Variants in USP26 observed in about 807,000 individuals in gnomAD.
USP26 encodes the protein ubiquitin specific peptidase 26, also known as ubiquitin carboxyl-terminal hydrolase 26.
For synonymous variants in USP26, 236 were observed against 240.6 expected (o/e 0.98, Z 0.18); for missense variants, 649 against 642.3 (o/e 1.01, Z -0.11).
rs910796866 is a variant in USP26 at position 133,051,192 on chromosome X, T to C, written c.-76-22896A>G. Among the ~76,000 whole-genome samples the C allele has an allele frequency of 8.1e-5, 9 of 111,761 alleles. No individual in the cohort carries two copies. In the East Asian group the frequency reaches 2.0e-3, roughly 25 times the overall value. On this transcript the variant is annotated intron_variant, in intron 5 of 5. Coordinates refer to ENST00000511190, the MANE Select transcript of USP26 (RefSeq NM_031907.3). The stretch of plus-strand genomic sequence containing the variant: ...CAACAGCAGAAGTCTACTGAGTTTG[T>C]TGGCCTGATAAAGACAGACACGTTT...
chrX:133,074,866 A>G (rs1288186127), intron 5 of USP26, among the ~76,000 whole-genome samples: 1 of 112,280 alleles, frequency 8.9e-6, no homozygotes, highest in Admixed American at 9.5e-5. Flanking sequence ...CTTCAGGGAT[A>G]TTACCAGGAC....
chrX:133,032,765 G>A (rs1278931275), intron 5 of USP26, among the ~76,000 whole-genome samples: 1 of 111,496 alleles, frequency 9.0e-6, no homozygotes, highest in Non-Finnish European at 1.9e-5. Context: ...CAGAAAGGGT[G>A]GAATGGAACA....
intron 5 of USP26, among the ~76,000 whole-genome samples, chrX:133,063,929 A>T (rs1290712283): frequency 8.9e-6 from 1 of 112,265 alleles, no homozygotes; most frequent in African/African-American, 3.2e-5. Context: ...AAAGACACAG[A>T]CTGGCAAACT....
In USP26 at chrX:133,026,749, T is replaced by C; in HGVS notation, c.1472A>G (p.Glu491Gly). The change falls in exon 6 of 6, where the codon GAG becomes GGG. Residue 491 changes from glutamate to glycine, a missense_variant. Glu to Gly is a moderately conservative substitution (Grantham distance 98). Coordinates refer to ENST00000511190, the MANE Select transcript of USP26 (RefSeq NM_031907.3). ...STFDLFFGAE[E>G]LEYKCAKCEH... is the part of the protein sequence containing the mutation. ...ACATTTTGCACATTTATACTCAAGC[T>C]CTTCTGCTCCAAAAAAAAGATCAAA... 1 of 1,210,667 alleles carries C rather than the reference T, an allele frequency of 8.3e-7. No homozygotes were observed.
chrX:133,048,965 G>C (rs2067449915), intron 5 of USP26, among the ~76,000 whole-genome samples: 1 of 111,892 alleles, frequency 8.9e-6, no homozygotes, highest in Admixed American at 9.5e-5. Context: ...TCACCATATA[G>C]GTAAAGAGAC....
At chrX:133,096,945 C>T (rs1051267991) in intron 1 of USP26, 85 bp downstream of exon 1, 2 of 112,545 alleles carry the variant, frequency 1.8e-5, no homozygotes, top group African/African-American at 6.4e-5. Flanking sequence ...TATACTACTA[C>T]ATTTCATATA....
At chrX:133,040,184 C>A (rs774536030) in intron 5 of USP26, among the ~76,000 whole-genome samples, 2 of 111,871 alleles carry the variant, frequency 1.8e-5, no homozygotes, top group Non-Finnish European at 3.8e-5. Flanking sequence ...GCATTTAGCC[C>A]ATTTACGTTT....
chrX:133,072,379 C>A (rs1156715144), intron 5 of USP26, among the ~76,000 whole-genome samples: 2 of 112,253 alleles, frequency 1.8e-5, no homozygotes, highest in East Asian at 5.7e-4. Context: ...AACAGGCACG[C>A]TATCACGTAT....
In USP26 at chrX:133,027,824, G is replaced by A. The variant is rs1219493735; in HGVS notation, c.397C>T (p.His133Tyr). Residue 133 changes from histidine (H) to tyrosine (Y), a missense_variant, in exon 6 of 6, where the codon CAC becomes TAC. Coordinates refer to ENST00000511190, the MANE Select transcript of USP26 (RefSeq NM_031907.3). ...CTACTTGATTTCTCATCAACTTTGT[G>A]GAATGAAGTTTTGTTGATTTCCTTC... is the stretch of plus-strand genomic sequence containing the variant. ...TQKEINKTSFHKVDEKSSSKS... is the reference protein window; with the variant it reads ...TQKEINKTSFYKVDEKSSSKS... The A allele has an allele frequency of 8.3e-7, 1 of 1,207,647 alleles. No individual in the cohort carries two copies. Among genetic ancestry groups the A allele is most frequent in the South Asian group, 1.8e-5 (1 of 56,517 alleles).
intron 5 of USP26, among the ~76,000 whole-genome samples, chrX:133,060,738 C>T (rs2067491713): frequency 9.0e-6 from 1 of 111,730 alleles, no homozygotes; most frequent in Non-Finnish European, 1.9e-5. Flanking sequence ...CTAAGTTTAT[C>T]TTAATATTAT....
chrX:133,033,120 C>CT (rs35265378), intron 5 of USP26, among the ~76,000 whole-genome samples: 1 of 110,762 alleles, frequency 9.0e-6, no homozygotes, highest in Non-Finnish European at 1.9e-5. Context: ...CCTCCCCTCC[C>CT]TTTTTTTTAC....
At chrX:133,037,241 T>A (rs773581013) in intron 5 of USP26, among the ~76,000 whole-genome samples, 1 of 112,404 alleles carries the variant, frequency 8.9e-6, no homozygotes, top group Non-Finnish European at 1.9e-5. Flanking sequence ...AGTCATGAAG[T>A]CTTCGCCCAT....
At chrX:133,073,549 T>C (rs760544939) in intron 5 of USP26, among the ~76,000 whole-genome samples, 2 of 110,691 alleles carry the variant, frequency 1.8e-5, no homozygotes, top group Non-Finnish European at 3.8e-5. Context: ...TTTCTACCTA[T>C]GAATTTCACT....
At position 133,026,686 on chromosome X, in the gene USP26, C is replaced by T. The variant is rs751705760; in HGVS notation, c.1535G>A (p.Arg512Lys). The T allele has an allele frequency of 1.1e-5, 13 of 1,207,721 alleles. No individual in the cohort carries two copies. Among genetic ancestry groups the T allele is most frequent in the Non-Finnish European group, 1.5e-5 (13 of 894,662 alleles). Residue 512 changes from arginine to lysine, a missense_variant, in exon 6 of 6, where the codon AGG (arginine) becomes AAG (lysine). Physicochemically the swap from Arg to Lys is conservative, Grantham distance 26. Transcript: ENST00000511190. ...GTGAACAATAAGGATTCTAGGTAGC[C>T]TACTGAATGAGTGCACTCCAACGGA... is the stretch of plus-strand genomic sequence containing the variant. The part of the protein sequence containing the change: ...KTSVGVHSFS[R>K]LPRILIVHLK...
chrX:133,080,304 T>C (rs948616799), intron 5 of USP26, among the ~76,000 whole-genome samples: 1 of 111,205 alleles, frequency 9.0e-6, no homozygotes, highest in African/African-American at 3.3e-5. Flanking sequence ...TACATAGAAC[T>C]AGCCCAACAT....
chrX:133,045,559 G>T (rs781549162), intron 5 of USP26, among the ~76,000 whole-genome samples: 51 of 111,703 alleles, frequency 4.6e-4, no homozygotes, highest in Non-Finnish European at 7.7e-4. Flanking sequence ...TCATCGCAAA[G>T]GTCTACACCT....
At chrX:133,040,385 G>A (rs2067414427) in intron 5 of USP26, among the ~76,000 whole-genome samples, 1 of 111,365 alleles carries the variant, frequency 9.0e-6, no homozygotes. Context: ...ATGCAGGCCT[G>A]GTGGTGACAA....
rs370040729 is a variant in USP26 at position 133,026,227 on chromosome X, G to A, written c.1994C>T (p.Ser665Leu). The stretch of plus-strand genomic sequence containing the variant: ...TCCAGCTTTGTGGAACTGACAAAGT[G>A]AGGTATCTTCCAGATACGTCATTAA... ...AHLMTYLEDT[S>L]LCQFHKAGGK... The change falls in exon 6 of 6, where the codon TCA (serine) becomes TTA (leucine). Residue 665 changes from serine (S) to leucine (L), a missense_variant. Physicochemically the swap from Ser to Leu is moderately radical, Grantham distance 145. Coordinates refer to ENST00000511190, the MANE Select transcript of USP26 (RefSeq NM_031907.3). 1.2e-4 allele frequency: 142 copies of A among 1,207,319 alleles called. No homozygotes were observed. The highest frequency in any genetic ancestry group is 1.5e-4 in the Non-Finnish European group (138 of 894,713).
chrX:133,067,431 T>C (rs2067515407), intron 5 of USP26, among the ~76,000 whole-genome samples: 3 of 112,609 alleles, frequency 2.7e-5, no homozygotes, highest in South Asian at 7.3e-4. Flanking sequence ...CATACATATG[T>C]TTATTGCAGC....
Sources: gnomAD v4.1 joint callset for allele counts (sites outside exome capture counted in the v4.1 genomes callset) on GRCh38, gnomAD v4.1.1 for gene constraint, MANE v1.5 for transcripts, NCBI Gene and HGNC (gene_info 2026-07-23, HGNC 2026-07-21) for gene names.